The following ADAMTSL1 variants were observed in gnomAD, a reference collection of about 807,000 sequenced individuals.
ADAMTSL1 encodes the protein ADAMTS-like protein 1.
In ADAMTSL1, 126 loss-of-function variants were observed where a neutral mutation model predicts 201.8. The ratio of observed to expected loss-of-function variants is 0.62; its 90% confidence interval spans 0.54 to 0.72. ADAMTSL1 has a LOEUF of 0.72. Ranked by LOEUF, ADAMTSL1 falls within the 30% of genes least tolerant of loss-of-function variation. The pLI is 0.00. For synonymous variants in ADAMTSL1, 1,121 were observed against 903.4 expected (o/e 1.24, Z -4.32); for missense variants, 2,679 against 2,277.8 (o/e 1.18, Z -3.59).
At chr9:18,588,844 G>T (rs1186977630) in intron 4 of ADAMTSL1, among the ~76,000 whole-genome samples, 7 of 111,050 alleles carry the variant, frequency 6.3e-5, no homozygotes, top group Non-Finnish European at 1.2e-4. Context: ...GTACCATGCT[G>T]TTGGGGTTAC....
At chr9:18,840,710 G>A (rs144662739) in intron 23 of ADAMTSL1, among the ~76,000 whole-genome samples, 6,519 of 149,896 alleles carry the variant, frequency 0.043, 170 homozygotes, top group South Asian at 0.093. Context: ...CTTTTATTTC[G>A]TTGAGCAGTG....
chr9:18,779,055 C>G (rs1821228873), intron 19 of ADAMTSL1, among the ~76,000 whole-genome samples: 1 of 152,222 alleles, frequency 6.6e-6, no homozygotes. Flanking sequence ...AGGCACTATG[C>G]CAAGTTTATT....
chr9:18,107,196 A>T (rs1323734107), intron 1 of ADAMTSL1, among the ~76,000 whole-genome samples: 1 of 152,150 alleles, frequency 6.6e-6, no homozygotes, highest in Non-Finnish European at 1.5e-5. Context: ...TACTCTTGTG[A>T]TTTGGAGATA....
intron 1 of ADAMTSL1, among the ~76,000 whole-genome samples, chr9:17,980,144 ACTT>A (rs1818627957): frequency 6.6e-6 from 1 of 152,072 alleles, no homozygotes; most frequent in South Asian, 2.1e-4. Context: ...TGTTCTTTCT[ACTT>A]CTTAAATGAG....
chr9:18,090,629 G>C (rs1246069246), intron 1 of ADAMTSL1, among the ~76,000 whole-genome samples: 1 of 152,154 alleles, frequency 6.6e-6, no homozygotes, highest in Non-Finnish European at 1.5e-5. Context: ...AATAGGTACA[G>C]AGTTTTAATT....
intron 1 of ADAMTSL1, among the ~76,000 whole-genome samples, chr9:18,041,680 T>G (rs536763324): frequency 2.6e-4 from 40 of 152,172 alleles, no homozygotes; most frequent in Non-Finnish European, 5.1e-4. Flanking sequence ...TAATAATTAT[T>G]CCTAACCAAA....
chr9:18,737,211 C>T (rs911443449), intron 15 of ADAMTSL1, among the ~76,000 whole-genome samples: 2 of 147,592 alleles, frequency 1.4e-5, no homozygotes, highest in Admixed American at 6.9e-5. Context: ...CCCAGCTACT[C>T]GGGAGGCTGA....
chr9:18,722,901 G>A, intron 15 of ADAMTSL1: 3 of 707,462 alleles, frequency 4.2e-6, no homozygotes, highest in Non-Finnish European at 7.9e-6. Flanking sequence ...TTCTATCCCT[G>A]CCCCACCTGG....
At chr9:18,121,888 T>A (rs1970065) in intron 1 of ADAMTSL1, among the ~76,000 whole-genome samples, 68,902 of 151,940 alleles carry the variant, frequency 0.45, 15,787 homozygotes, top group East Asian at 0.56. Flanking sequence ...AATTTTCATC[T>A]CCTCCAAAAG....
intron 2 of ADAMTSL1, among the ~76,000 whole-genome samples, chr9:18,274,595 GAAAC>G (rs1423788992): frequency 1.3e-5 from 2 of 152,106 alleles, no homozygotes; most frequent in Non-Finnish European, 2.9e-5. Flanking sequence ...CATTTAGAGA[GAAAC>G]AAGTCTGAAA....
At chr9:18,468,840 G>A (rs77703452) in intron 2 of ADAMTSL1, among the ~76,000 whole-genome samples, 1,560 of 152,262 alleles carry the variant, frequency 0.01, 33 homozygotes, top group African/African-American at 0.035. Context: ...AGGGAGAACC[G>A]TAAGCCGAGG....
chr9:18,164,181 G>T (rs1827531430), intron 2 of ADAMTSL1, among the ~76,000 whole-genome samples: 1 of 151,944 alleles, frequency 6.6e-6, no homozygotes, highest in Non-Finnish European at 1.5e-5. Context: ...GGTCTGGCAA[G>T]ATTTAAACAT....
chr9:17,940,249 G>C (rs933608538), intron 1 of ADAMTSL1, among the ~76,000 whole-genome samples: 2 of 152,014 alleles, frequency 1.3e-5, no homozygotes, highest in Admixed American at 6.6e-5. Flanking sequence ...TAACCTTTAC[G>C]TCATTGTAGA....
intron 2 of ADAMTSL1, among the ~76,000 whole-genome samples, chr9:18,237,926 G>A (rs1830912614): frequency 6.6e-6 from 1 of 152,196 alleles, no homozygotes; most frequent in Admixed American, 6.5e-5. Flanking sequence ...ACGTTTCGTG[G>A]ACTAAGCCAG....
At chr9:18,127,424 T>A (rs929452860) in intron 1 of ADAMTSL1, among the ~76,000 whole-genome samples, 1 of 151,240 alleles carries the variant, frequency 6.6e-6, no homozygotes, top group Non-Finnish European at 1.5e-5. Flanking sequence ...TGAGAATTTT[T>A]AACAAATGGA....
At chr9:18,683,572 G>A (rs1421571466) in intron 12 of ADAMTSL1, among the ~76,000 whole-genome samples, 2 of 152,152 alleles carry the variant, frequency 1.3e-5, no homozygotes, top group Admixed American at 6.5e-5. Context: ...GTAAAATGAT[G>A]TATGTATAGG....
chr9:18,229,707 T>G (rs1432534892), intron 2 of ADAMTSL1, among the ~76,000 whole-genome samples: 2 of 152,086 alleles, frequency 1.3e-5, no homozygotes, highest in Non-Finnish European at 2.9e-5. Context: ...ACATTTTTTT[T>G]TTTTTGATAT....
intron 1 of ADAMTSL1, among the ~76,000 whole-genome samples, chr9:18,478,882 G>A (rs552521678): frequency 3.3e-5 from 5 of 152,234 alleles, no homozygotes; most frequent in African/African-American, 1.2e-4. Context: ...TTCAAACTTT[G>A]TGTTTTCACC....
At chr9:17,952,948 C>CCTCCTCCTT (rs1173276570) in intron 1 of ADAMTSL1, among the ~76,000 whole-genome samples, 1 of 122,536 alleles carries the variant, frequency 8.2e-6, no homozygotes, top group East Asian at 2.9e-4. Flanking sequence ...TCCTCCTCCT[C>CCTCCTCCTT]CTCCTCCTTC....
Sources: allele counts gnomAD v4.1 joint callset (sites outside exome capture counted in the v4.1 genomes callset), GRCh38; gene constraint gnomAD v4.1.1; transcripts MANE v1.5; gene names NCBI Gene and HGNC (gene_info 2026-07-23, HGNC 2026-07-21).